The following SAMMSON variants were observed in gnomAD, a reference collection of about 807,000 sequenced individuals.
SAMMSON encodes the protein long intergenic non-protein coding RNA 1212.
intron 7 of SAMMSON, among the ~76,000 whole-genome samples, chr3:70,353,281 T>G (rs539083657): frequency 1.2e-4 from 18 of 152,066 alleles, no homozygotes; most frequent in South Asian, 4.2e-4. Flanking sequence ...CATAAAAGAA[T>G]AAAAATTCAA....
chr3:70,063,618 C>G (rs1276336193), intron 3 of SAMMSON, among the ~76,000 whole-genome samples: 2 of 152,120 alleles, frequency 1.3e-5, no homozygotes, highest in East Asian at 3.9e-4. Context: ...CAGAGAAATT[C>G]TAGAGCTGCC....
At chr3:70,369,300 G>A (rs1251366723) in intron 9 of SAMMSON, among the ~76,000 whole-genome samples, 2 of 151,592 alleles carry the variant, frequency 1.3e-5, no homozygotes, top group East Asian at 3.8e-4. Context: ...AGACAATCAT[G>A]TCATCTGTGA....
chr3:70,118,120 T>C (rs748127185), intron 4 of SAMMSON, among the ~76,000 whole-genome samples: 17 of 151,994 alleles, frequency 1.1e-4, no homozygotes, highest in Non-Finnish European at 2.2e-4. Flanking sequence ...ACGGGGTTTT[T>C]ACCATGTTAG....
chr3:70,023,260 T>A (rs575297712), intron 3 of SAMMSON, among the ~76,000 whole-genome samples: 2 of 151,632 alleles, frequency 1.3e-5, no homozygotes, highest in African/African-American at 4.8e-5. Context: ...ATCGAGACCA[T>A]CCTGGCTAAC....
chr3:70,145,977 G>T lies in SAMMSON; in HGVS notation n.507+74412G>T, dbSNP rs76369807. 1.3e-3 allele frequency among the ~76,000 whole-genome samples: 191 copies of T among 151,878 alleles called. 2 individuals are homozygous for T. The East Asian group carries it at 0.029, about 23-fold the overall frequency. ...TCTAAGAAAACTGACAAAGAGAAAA[G>T]ACACACATTCTTAACACCAGGAGTA... On this transcript the variant is annotated intron_variant and non_coding_transcript_variant, in intron 4 of 9. Transcript: ENST00000642114.
chr3:70,351,774 C>A (rs528506927), intron 7 of SAMMSON, among the ~76,000 whole-genome samples: 1 of 152,188 alleles, frequency 6.6e-6, no homozygotes, highest in African/African-American at 2.4e-5. Flanking sequence ...CCTAGCAAGA[C>A]AAAAACTTTT....
At chr3:70,119,154 C>T (rs1179076818) in intron 4 of SAMMSON, among the ~76,000 whole-genome samples, 7 of 152,156 alleles carry the variant, frequency 4.6e-5, no homozygotes, top group African/African-American at 1.7e-4. Flanking sequence ...GCAACGTCCA[C>T]CTCTTGGGTT....
intron 4 of SAMMSON, among the ~76,000 whole-genome samples, chr3:70,177,468 A>G (rs1188090645): frequency 6.6e-6 from 1 of 152,212 alleles, no homozygotes; most frequent in Non-Finnish European, 1.5e-5. Context: ...GGTTAAGTAC[A>G]TATGTCTGGG....
At chr3:70,267,636 T>C (rs1408914328) in intron 6 of SAMMSON, among the ~76,000 whole-genome samples, 4 of 150,428 alleles carry the variant, frequency 2.7e-5, no homozygotes, top group African/African-American at 9.8e-5. Context: ...CAGAATGGTC[T>C]TGACCTCCTG....
downstream of SAMMSON, among the ~76,000 whole-genome samples, chr3:70,394,770 C>T (rs774391917): frequency 1.3e-5 from 2 of 152,092 alleles, no homozygotes; most frequent in Non-Finnish European, 2.9e-5. Flanking sequence ...GACATCAATC[C>T]TTATAAACCC....
At chr3:70,016,729 G>A (rs897397227) in intron 3 of SAMMSON, among the ~76,000 whole-genome samples, 4 of 152,058 alleles carry the variant, frequency 2.6e-5, no homozygotes, top group South Asian at 2.1e-4. Context: ...GGTCTAACAT[G>A]TAAGTCTTTA....
At chr3:70,409,390 CACA>C (rs1290050237) in intron 2 of SAMMSON, among the ~76,000 whole-genome samples, 2 of 151,320 alleles carry the variant, frequency 1.3e-5, no homozygotes, top group Non-Finnish European at 2.9e-5. Flanking sequence ...AAACTTATCA[CACA>C]ACGTTTTTTG....
intron 2 of SAMMSON, among the ~76,000 whole-genome samples, chr3:70,418,209 G>A (rs1196030664): frequency 6.6e-6 from 1 of 152,164 alleles, no homozygotes; most frequent in Non-Finnish European, 1.5e-5. Context: ...GTACAATGAA[G>A]ATAGTTTCCT....
chr3:70,403,124 C>T (rs947939401), intron 2 of SAMMSON, among the ~76,000 whole-genome samples: 3 of 152,086 alleles, frequency 2.0e-5, no homozygotes, highest in African/African-American at 7.2e-5. Context: ...GTGTGGATAA[C>T]ATTATTATTT....
At position 70,288,272 on chromosome 3, in the gene SAMMSON, T is replaced by C. The variant is rs1195855138; in HGVS notation, n.675-2907T>C. Among the ~76,000 whole-genome samples, 267 of 122,534 alleles carry C rather than the reference T, an allele frequency of 2.2e-3. 1 individual carries two copies. The highest frequency in any genetic ancestry group is 7.8e-3 in the African/African-American group (241 of 30,850). The allele number at this position is 122,534 out of a possible 152,430, so 80.4% of individuals were successfully genotyped here. A position where few individuals can be genotyped will look rare whatever the true frequency, so the allele number is the denominator to read the frequency against. On this transcript the variant is annotated intron_variant and non_coding_transcript_variant, in intron 6 of 9. Transcript: ENST00000642114. ...TGGTATGTTGTGTCTTTGTTCTCGT[T>C]GGTTTCAAAGAACATCTTTATTTCT...
chr3:70,135,166 T>C (rs906948427), intron 4 of SAMMSON, among the ~76,000 whole-genome samples: 1 of 152,182 alleles, frequency 6.6e-6, no homozygotes, highest in South Asian at 2.1e-4. Flanking sequence ...ATGGTCTTAT[T>C]GGTTTTTTCT....
intron 4 of SAMMSON, among the ~76,000 whole-genome samples, chr3:70,100,321 A>AT (rs2067338893): frequency 6.6e-6 from 1 of 151,774 alleles, no homozygotes; most frequent in Middle Eastern, 3.2e-3. Flanking sequence ...TAATTTTTGT[A>AT]TTTTTTTGTA....
At chr3:70,117,987 G>A (rs912228825) in intron 4 of SAMMSON, among the ~76,000 whole-genome samples, 2 of 151,844 alleles carry the variant, frequency 1.3e-5, no homozygotes, top group Non-Finnish European at 2.9e-5. Flanking sequence ...GCGCCATCTC[G>A]GCTCACTGCA....
chr3:70,155,847 C>A (rs1057336504), intron 4 of SAMMSON, among the ~76,000 whole-genome samples: 6 of 151,992 alleles, frequency 3.9e-5, no homozygotes, highest in African/African-American at 7.2e-5. Context: ...CACAATGGAA[C>A]AAATAATAGG....
Sources: gnomAD v4.1 joint callset for allele counts (sites outside exome capture counted in the v4.1 genomes callset) on GRCh38, gnomAD v4.1.1 for gene constraint, MANE v1.5 for transcripts, NCBI Gene and HGNC (gene_info 2026-07-23, HGNC 2026-07-21) for gene names.